The following SCRG1 variants were observed in gnomAD, a reference collection of about 807,000 sequenced individuals.
SCRG1 encodes stimulator of chondrogenesis 1.
In SCRG1, 3 loss-of-function variants were observed where a neutral mutation model predicts 7.7. That is an observed-to-expected ratio of 0.39 (90% CI 0.18 to 1.01). The LOEUF (loss-of-function observed/expected upper bound fraction) is 1.01, where lower values mean the gene tolerates loss of function less well. Among genes scored for constraint, SCRG1 ranks in the 50% least tolerant of loss-of-function variants. The pLI is 0.36. For missense variants in SCRG1, 110 were observed against 117.2 expected, an observed-to-expected ratio of 0.94 and a Z score of 0.28; for synonymous variants, 46 against 41.2, an observed-to-expected ratio of 1.12 and a Z score of -0.44.
the SCRG1 span, chr4:173,419,620 G>T: frequency 1.4e-6 from 1 of 727,994 alleles, no homozygotes; most frequent in Non-Finnish European, 2.5e-6. Flanking sequence ...TACTGTGAGG[G>T]ATAGACAAAC....
chr4:173,417,908 C>A, the SCRG1 span, among the ~76,000 whole-genome samples: 1 of 152,068 alleles, frequency 6.6e-6, no homozygotes, highest in Admixed American at 6.6e-5. Context: ...CTGTTCATTC[C>A]AGTTGTCTCA....
upstream of SCRG1, among the ~76,000 whole-genome samples, chr4:173,409,617 C>A (rs1035023194): frequency 7.6e-6 from 1 of 130,998 alleles, no homozygotes; most frequent in Non-Finnish European, 1.6e-5. Context: ...GAGACAGAGT[C>A]TCGCTCTGTT....
the SCRG1 span, among the ~76,000 whole-genome samples, chr4:173,477,752 TTCCTTCCTTCCTTCC>T: frequency 6.7e-6 from 1 of 149,086 alleles, no homozygotes; most frequent in Non-Finnish European, 1.5e-5. Context: ...CCTTCCTTCC[TTCCTTCCTTCCTTCC>T]TTCTTTCCTT....
chr4:173,452,015 A>G, the SCRG1 span, among the ~76,000 whole-genome samples: 2 of 152,040 alleles, frequency 1.3e-5, no homozygotes, highest in African/African-American at 2.4e-5. Flanking sequence ...AAATTAATGT[A>G]TGCCCAATAG....
the SCRG1 span, among the ~76,000 whole-genome samples, chr4:173,485,022 TAA>T: frequency 5.1e-3 from 166 of 32,254 alleles, 21 homozygotes; most frequent in African/African-American, 0.021. Context: ...ATATAATATA[TAA>T]TATATTATAT....
the SCRG1 span, among the ~76,000 whole-genome samples, chr4:173,441,058 T>G: frequency 6.6e-6 from 1 of 151,054 alleles, no homozygotes. Context: ...TGGGGGTGGG[T>G]GGGGGGACTA....
chr4:173,488,135 T>TG, the SCRG1 span, among the ~76,000 whole-genome samples: 5 of 99,896 alleles, frequency 5.0e-5, no homozygotes, highest in African/African-American at 1.9e-4. Context: ...ATAAATAAAT[T>TG]TAAAAAATGG....
the SCRG1 span, among the ~76,000 whole-genome samples, chr4:173,490,632 T>G: frequency 6.6e-6 from 1 of 152,238 alleles, no homozygotes; most frequent in African/African-American, 2.4e-5. Context: ...TTGCTTAAAC[T>G]TTTATTTCAA....
chr4:173,410,567 A>C (rs1391144238), upstream of SCRG1, among the ~76,000 whole-genome samples: 1 of 152,234 alleles, frequency 6.6e-6, no homozygotes, highest in African/African-American at 2.4e-5. Flanking sequence ...CAACAGAGAG[A>C]ATGAAGGTTC....
chr4:173,499,042 A>G, the SCRG1 span, among the ~76,000 whole-genome samples: 4 of 152,190 alleles, frequency 2.6e-5, no homozygotes, highest in African/African-American at 7.2e-5. This position sits in a 1 kb window ranked among gnomAD's most constrained non-coding sequence, Gnocchi z 4.1. Context: ...CGGGTTCTGG[A>G]GACAGCATGG....
intron 1 of SCRG1, among the ~76,000 whole-genome samples, chr4:173,391,828 C>T (rs1220924792): frequency 2.0e-5 from 3 of 152,142 alleles, no homozygotes; most frequent in Non-Finnish European, 4.4e-5. Flanking sequence ...CTCAGGACCA[C>T]TTGAGCCCAG....
At chr4:173,505,781 T>C in the SCRG1 span, among the ~76,000 whole-genome samples, 3 of 151,956 alleles carry the variant, frequency 2.0e-5, no homozygotes, top group African/African-American at 7.3e-5. The surrounding 1 kb of genome is among the most constrained non-coding windows in gnomAD (Gnocchi z 4.4). Flanking sequence ...GGCTGGGAGG[T>C]GGAAGCACAA....
the SCRG1 span, among the ~76,000 whole-genome samples, chr4:173,465,446 A>G: frequency 6.6e-6 from 1 of 152,112 alleles, no homozygotes; most frequent in Non-Finnish European, 1.5e-5. Flanking sequence ...TGGTAGGCAG[A>G]ATTTTAAGAT....
chr4:173,506,624 G>T, the SCRG1 span, among the ~76,000 whole-genome samples: 4 of 152,280 alleles, frequency 2.6e-5, no homozygotes, highest in East Asian at 1.9e-4. The surrounding 1 kb of genome is among the most constrained non-coding windows in gnomAD (Gnocchi z 5.3). Context: ...GGTAGGGGCG[G>T]GCAGATTTTA....
At chr4:173,503,791 C>A in the SCRG1 span, among the ~76,000 whole-genome samples, 1 of 152,166 alleles carries the variant, frequency 6.6e-6, no homozygotes, top group African/African-American at 2.4e-5. This position sits in a 1 kb window ranked among gnomAD's most constrained non-coding sequence, Gnocchi z 6.4. Context: ...GTTACATCTT[C>A]GCGATGTCCC....
the SCRG1 span, among the ~76,000 whole-genome samples, chr4:173,425,978 C>T: frequency 1.3e-5 from 2 of 152,208 alleles, no homozygotes; most frequent in African/African-American, 2.4e-5. Flanking sequence ...TGCCATCATG[C>T]CCATGCCATG....
At chr4:173,471,795 C>T in the SCRG1 span, among the ~76,000 whole-genome samples, 3 of 152,172 alleles carry the variant, frequency 2.0e-5, no homozygotes, top group South Asian at 2.1e-4. Flanking sequence ...CCGCAACCTC[C>T]GCCTCCTGGG....
chr4:173,414,952 G>T, the SCRG1 span, among the ~76,000 whole-genome samples: 1 of 152,200 alleles, frequency 6.6e-6, no homozygotes, highest in Admixed American at 6.5e-5. Context: ...GTTTTTGCCT[G>T]TCTCCAGAAT....
chr4:173,393,274 C>G (rs1328848545), intron 1 of SCRG1, among the ~76,000 whole-genome samples: 1 of 152,078 alleles, frequency 6.6e-6, no homozygotes, highest in Admixed American at 6.5e-5. Flanking sequence ...CTAAGAGTTT[C>G]AGAGTTTCTT....
Sources: gnomAD v4.1 joint callset for allele counts (sites outside exome capture counted in the v4.1 genomes callset) on GRCh38, gnomAD v4.1.1 for gene constraint, Gnocchi (gnomAD v3.1) non-coding constraint, MANE v1.5 for transcripts, NCBI Gene and HGNC (gene_info 2026-07-23, HGNC 2026-07-21) for gene names.